The following SHPRH variants were observed in gnomAD, a reference collection of about 807,000 sequenced individuals.
The protein encoded by SHPRH is SNF2 histone linker PHD RING helicase, also known as E3 ubiquitin-protein ligase SHPRH.
SHPRH carries 106 observed loss-of-function variants against 202.5 expected under a neutral mutation model. The observed-to-expected ratio is 0.52, with a 90% CI of 0.45 to 0.62. The LOEUF (loss-of-function observed/expected upper bound fraction) is 0.62. Among genes scored for constraint, SHPRH ranks in the 20% least tolerant of loss-of-function variants. The pLI is 0.00. For missense variants in SHPRH, 1,710 were observed against 2,020.0 expected, an observed-to-expected ratio of 0.85 and a Z score of 2.94; for synonymous variants, 729 against 686.0, an observed-to-expected ratio of 1.06 and a Z score of -0.98.
chr6:145,950,267 T>TCGC lies in SHPRH; in HGVS notation c.978_979insGCG (p.Ala326dup). ...TCTTTAAACATCTTATTCTTACCAG[T>TCGC]AGCAGGACTGCTTCTGAAACACTCT... On this transcript the variant is annotated inframe_insertion, in exon 4 of 30. Coordinates refer to ENST00000275233, the MANE Select transcript of SHPRH (RefSeq NM_001042683.3). 1.9e-6 allele frequency: 3 copies of TCGC among 1,612,100 alleles called. No homozygotes were observed. Among genetic ancestry groups the TCGC allele is most frequent in the Non-Finnish European group, 2.5e-6 (3 of 1,178,598 alleles).
intron 2 of SHPRH, among the ~76,000 whole-genome samples, chr6:145,868,724 A>C (rs1779916204): frequency 6.6e-6 from 1 of 152,186 alleles, no homozygotes; most frequent in Non-Finnish European, 1.5e-5. Flanking sequence ...CTGAAGAAGG[A>C]TGTACAGCCT....
At chr6:145,891,845 G>T (rs1354430486) in intron 28 of SHPRH, among the ~76,000 whole-genome samples, 1 of 152,106 alleles carries the variant, frequency 6.6e-6, no homozygotes, top group Non-Finnish European at 1.5e-5. Context: ...TTTTAAATAT[G>T]AGACTAGTCC....
At chr6:145,947,000 T>A (rs1373070920) in intron 6 of SHPRH, among the ~76,000 whole-genome samples, 2 of 152,038 alleles carry the variant, frequency 1.3e-5, no homozygotes, top group East Asian at 3.9e-4. Context: ...AAATTTATAT[T>A]TTTAAACACA....
At chr6:145,868,536 T>G (rs1779907280) in intron 2 of SHPRH, among the ~76,000 whole-genome samples, 2 of 152,298 alleles carry the variant, frequency 1.3e-5, no homozygotes, top group African/African-American at 2.4e-5. Flanking sequence ...TTAGGAAGTT[T>G]TAATAGGTCA....
In SHPRH at chr6:145,947,528, G is replaced by T. The variant is rs1166658062; in HGVS notation, c.1177C>A (p.Gln393Lys). Residue 393 changes from glutamine (Q) to lysine (K), a missense_variant, in exon 6 of 30, where the codon CAA becomes AAA. By Grantham distance (53) the Gln-to-Lys change is moderately conservative. Around this residue, in one of 8 missense-constraint regions of SHPRH, gnomAD observed 348 missense variants for 356.9 expected, o/e 0.97. Transcript: ENST00000275233. ...VLALILTHTR[Q>K]DVKQDALTLP... ...GTGAGAGCATCTTGCTTGACATCTT[G>T]TCGAGTATGTGTCAGAATCAGAGCC... 2 of 1,612,744 alleles carry T rather than the reference G, an allele frequency of 1.2e-6. No individual in the cohort carries two copies. Among genetic ancestry groups the T allele is most frequent in the African/African-American group, 1.3e-5 (1 of 74,776 alleles).
intron 24 of SHPRH, among the ~76,000 whole-genome samples, chr6:145,912,641 A>G (rs964261643): frequency 6.6e-6 from 1 of 152,106 alleles, no homozygotes; most frequent in African/African-American, 2.4e-5. Flanking sequence ...AAGATGTATT[A>G]GCAAATAAAG....
rs374465471 is a variant in SHPRH at position 145,945,390 on chromosome 6, T to A, written c.1569A>T (p.Thr523=). The change falls in exon 8 of 30, where the codon ACA becomes ACT. Residue 523 remains threonine (T), a synonymous_variant. Transcript: ENST00000275233. Reference sequence around the variant, plus strand: ...ACTTAAGCTCTGTTACCTGCTTTTTTGTTTTATCACATATATCCTCTTCCT... The same window carrying A: ...ACTTAAGCTCTGTTACCTGCTTTTTAGTTTTATCACATATATCCTCTTCCT... The part of the protein sequence containing the change: ...NYKEEDICDK[T]KKQAVGSPRK... 55 of 1,608,848 alleles carry A rather than the reference T, an allele frequency of 3.4e-5. No individual in the cohort carries two copies. Among genetic ancestry groups the A allele is most frequent in the Non-Finnish European group, 4.5e-5 (53 of 1,178,130 alleles).
chr6:145,955,451 A>C (rs1372766640), intron 1 of SHPRH, 97 bp from the exon 2 acceptor site: 2 of 1,198,704 alleles, frequency 1.7e-6, no homozygotes, highest in Non-Finnish European at 2.3e-6. Context: ...ATAGCCCATA[A>C]ACATAATATG....
chr6:145,879,871 C>T (rs1006677544), downstream of SHPRH, among the ~76,000 whole-genome samples: 4 of 140,282 alleles, frequency 2.9e-5, no homozygotes, highest in Non-Finnish European at 4.5e-5. Flanking sequence ...AAGATCGCAC[C>T]ATTGCACTCC....
chr6:145,879,062 T>G (rs946887572), intron 2 of SHPRH, among the ~76,000 whole-genome samples: 1 of 152,196 alleles, frequency 6.6e-6, no homozygotes. Context: ...TACAGTTACA[T>G]GAGAAATATT....
In SHPRH at chr6:145,943,700, C is replaced by A. The variant is rs561556028; in HGVS notation, c.1681G>T (p.Asp561Tyr). The A allele has an allele frequency of 5.4e-5, 87 of 1,610,746 alleles. No individual in the cohort carries two copies. In the South Asian group the frequency reaches 9.5e-4, roughly 18 times the overall value. Residue 561 changes from aspartate to tyrosine, a missense_variant, in exon 9 of 30, where the codon GAT becomes TAT. By Grantham distance (160) the Asp-to-Tyr change is radical. Around this residue, in one of 8 missense-constraint regions of SHPRH, gnomAD observed 348 missense variants for 356.9 expected, o/e 0.97. Coordinates refer to ENST00000275233, the MANE Select transcript of SHPRH (RefSeq NM_001042683.3). ...GACTTATAATAATAATAGTAAGGAT[C>A]ATCATCATCATCAGAGGTGTCTGAT... ...LPSDTSDDDD[D>Y]PYYYYYKSRR...
intron 2 of SHPRH, 119 bp from the exon 3 acceptor site, chr6:145,952,597 A>G: frequency 1.1e-6 from 1 of 881,426 alleles, no homozygotes. Flanking sequence ...CATGTGTGAC[A>G]CAAACAATAA....
At chr6:145,922,925 T>C (rs1465005480) in intron 18 of SHPRH, 89 bp from the exon 19 acceptor site, 2 of 1,417,092 alleles carry the variant, frequency 1.4e-6, no homozygotes, top group African/African-American at 1.5e-5. Flanking sequence ...CCAAACAAAG[T>C]GTTAAAGAAA....
intron 21 of SHPRH, 152 bp downstream of exon 21, chr6:145,921,015 T>C (rs1784391928): frequency 1.6e-6 from 1 of 621,204 alleles, no homozygotes; most frequent in Non-Finnish European, 2.7e-6. Flanking sequence ...CTATCCTTTA[T>C]TACAACAGTT....
chr6:145,904,850 G>A (rs1489233366), intron 25 of SHPRH: 2 of 152,020 alleles, frequency 1.3e-5, no homozygotes, highest in African/African-American at 2.4e-5. Context: ...GTTAATTCAC[G>A]TGTTAATCAA....
At chr6:145,925,812 CTTTA>C (rs1201547989) in intron 16 of SHPRH, among the ~76,000 whole-genome samples, 3 of 151,890 alleles carry the variant, frequency 2.0e-5, no homozygotes, top group Non-Finnish European at 4.4e-5. Flanking sequence ...AAAAATTTGA[CTTTA>C]TTTACCCCCT....
At chr6:145,940,363 T>C (rs1786624283) in intron 11 of SHPRH, among the ~76,000 whole-genome samples, 1 of 147,762 alleles carries the variant, frequency 6.8e-6, no homozygotes, top group Non-Finnish European at 1.5e-5. Context: ...TTTTTCTGCC[T>C]CTCCCCACCC....
chr6:145,919,230 G>A (rs962551327), intron 22 of SHPRH, 118 bp downstream of exon 22: 15 of 1,346,476 alleles, frequency 1.1e-5, no homozygotes, highest in Non-Finnish European at 1.5e-5. Context: ...ATTAAAAATG[G>A]AGATTAAATA....
intron 23 of SHPRH, chr6:145,917,641 T>C (rs1784072811): frequency 6.6e-6 from 1 of 152,134 alleles, no homozygotes; most frequent in Non-Finnish European, 1.5e-5. Context: ...GACCCACCAA[T>C]TCATCAGTGT....
Sources: gnomAD v4.1 joint callset for allele counts (sites outside exome capture counted in the v4.1 genomes callset) on GRCh38, gnomAD v4.1.1 for gene constraint, gnomAD v4.1.1 regional missense constraint, MANE v1.5 for transcripts, NCBI Gene and HGNC (gene_info 2026-07-23, HGNC 2026-07-21) for gene names.